FHOD3: variants seen among roughly 807,000 people sequenced by gnomAD.
The protein encoded by FHOD3 is formin homology 2 domain containing 3, also known as FH1/FH2 domain-containing protein 3.
A neutral mutation model predicts 173.0 loss-of-function variants in FHOD3; 90 were observed. The ratio of observed to expected loss-of-function variants is 0.52; its 90% CI spans 0.44 to 0.62. The LOEUF (loss-of-function observed/expected upper bound fraction) is 0.62, where lower values mean the gene tolerates loss of function less well. Among genes scored for constraint, FHOD3 ranks in the 20% least tolerant of loss-of-function variants. The pLI is 0.00. For synonymous variants in FHOD3, 828 were observed against 823.0 expected (o/e 1.01, Z -0.10); for missense variants, 1,945 against 2,034.7 (o/e 0.96, Z 0.85).
rs190263517 is a variant in FHOD3 at position 36,766,868 on chromosome 18, T to A, written c.4625-2397T>A. 2.1e-3 allele frequency among the ~76,000 whole-genome samples: 314 copies of A among 152,294 alleles called. 4 individuals carry two copies. Among genetic ancestry groups the A allele is most frequent in the Non-Finnish European group, 5.0e-4 (34 of 68,028 alleles). ...GCAAATGTATTATGAGCAAAGACAA[T>A]TTATTGAGCTTTGCATGTTTTTAGA... is the stretch of plus-strand genomic sequence containing the variant. On this transcript the variant is annotated intron_variant, in intron 27 of 28. Transcript: ENST00000590592.
intron 17 of FHOD3, among the ~76,000 whole-genome samples, chr18:36,700,200 T>A (rs1220855991): frequency 2.6e-5 from 4 of 152,088 alleles, no homozygotes; most frequent in Non-Finnish European, 2.9e-5. Context: ...CTACCTCCCA[T>A]ATGCCTTGAA....
rs772197820 is a variant in FHOD3, at chr18:36,512,465, G to A, written c.433G>A (p.Val145Ile). The A allele has an allele frequency of 3.1e-6, 5 of 1,613,960 alleles. No individual in the cohort carries two copies. Among genetic ancestry groups the A allele is most frequent in the Non-Finnish European group, 4.2e-6 (5 of 1,180,006 alleles). Residue 145 changes from valine (V) to isoleucine (I), a missense_variant, in exon 5 of 29, where the codon GTA (valine) becomes ATA (isoleucine). This residue lies in a region of FHOD3 where 245 missense variants were observed against 267.7 expected (regional missense o/e 0.92). Transcript: ENST00000590592. The stretch of plus-strand genomic sequence containing the variant: ...TGACAAGGATTTGGTGCATGAATTT[G>A]TAGTGGCTGAAGGTCTGACATGTTT... ...QDDKDLVHEF[V>I]VAEGLTCLIK... is the part of the protein sequence containing the mutation.
intron 1 of FHOD3, among the ~76,000 whole-genome samples, chr18:36,333,005 G>C (rs2045104337): frequency 6.6e-6 from 1 of 152,192 alleles, no homozygotes; most frequent in Admixed American, 6.5e-5. Flanking sequence ...CCTCATTCAT[G>C]TTTGCTATGA....
chr18:36,604,643 A>G (rs2031855108), intron 8 of FHOD3, among the ~76,000 whole-genome samples: 1 of 152,182 alleles, frequency 6.6e-6, no homozygotes, highest in African/African-American at 2.4e-5. Flanking sequence ...GGAACATAGC[A>G]AACTGTAGGA....
chr18:36,330,794 G>A (rs1178278808), intron 1 of FHOD3, among the ~76,000 whole-genome samples: 1 of 152,210 alleles, frequency 6.6e-6, no homozygotes, highest in Non-Finnish European at 1.5e-5. Flanking sequence ...ATCAGGGTTA[G>A]GGGGTCTTGG....
chr18:36,760,848 T>G, intron 27 of FHOD3, 66 bp downstream of exon 27: 1 of 1,480,090 alleles, frequency 6.8e-7, no homozygotes, highest in Non-Finnish European at 9.0e-7. Flanking sequence ...GGGTCCGGTC[T>G]CCATCGCAGG....
intron 23 of FHOD3, among the ~76,000 whole-genome samples, chr18:36,745,482 A>G (rs2042107143): frequency 6.6e-6 from 1 of 152,126 alleles, no homozygotes; most frequent in Non-Finnish European, 1.5e-5. Flanking sequence ...ACCAGACACG[A>G]CACTGCGTGT....
At chr18:36,717,688 C>T (rs938747734) in intron 18 of FHOD3, 144 bp from the exon 19 acceptor site, 2 of 1,355,568 alleles carry the variant, frequency 1.5e-6, no homozygotes, top group Admixed American at 6.1e-5. Context: ...CCAAGAGCGC[C>T]TTGTCAGCCA....
chr18:36,676,667 A>G (rs886228230), intron 14 of FHOD3, among the ~76,000 whole-genome samples: 6 of 152,204 alleles, frequency 3.9e-5, no homozygotes, highest in African/African-American at 1.2e-4. Context: ...TTCTGTGCCA[A>G]TGGGTTAGTG....
intron 23 of FHOD3, among the ~76,000 whole-genome samples, chr18:36,746,146 C>T (rs1364858753): frequency 6.6e-6 from 1 of 152,128 alleles, no homozygotes; most frequent in African/African-American, 2.4e-5. Context: ...TCTCAGTCTC[C>T]TTCAGGCAAT....
chr18:36,410,116 TTCA>T (rs1402800706), intron 3 of FHOD3, among the ~76,000 whole-genome samples: 4 of 152,238 alleles, frequency 2.6e-5, no homozygotes, highest in Admixed American at 1.3e-4. Flanking sequence ...TTAGGACATT[TTCA>T]TCATCCTCAA....
At chr18:36,763,994 C>T (rs2043034376) in intron 27 of FHOD3, among the ~76,000 whole-genome samples, 1 of 152,148 alleles carries the variant, frequency 6.6e-6, no homozygotes, top group Non-Finnish European at 1.5e-5. Context: ...TAATATTATG[C>T]TTTGGCAATG....
At chr18:36,506,132 A>G (rs1358874979) in intron 4 of FHOD3, among the ~76,000 whole-genome samples, 1 of 152,246 alleles carries the variant, frequency 6.6e-6, no homozygotes, top group African/African-American at 2.4e-5. Flanking sequence ...CTCATAAAAA[A>G]TAATGATTAT....
intron 27 of FHOD3, among the ~76,000 whole-genome samples, chr18:36,767,317 A>G (rs552940357): frequency 1.3e-5 from 2 of 152,262 alleles, no homozygotes; most frequent in South Asian, 4.1e-4. Flanking sequence ...CCAAAAAAAA[A>G]AACTGTATCA....
chr18:36,581,612 G>C (rs1203590065), intron 6 of FHOD3, among the ~76,000 whole-genome samples: 1 of 152,182 alleles, frequency 6.6e-6, no homozygotes, highest in Non-Finnish European at 1.5e-5. Flanking sequence ...AGGGTGTGCA[G>C]GCCTCCCTAC....
intron 10 of FHOD3, among the ~76,000 whole-genome samples, chr18:36,631,639 G>C (rs1229017001): frequency 6.6e-6 from 1 of 152,186 alleles, no homozygotes; most frequent in Non-Finnish European, 1.5e-5. Flanking sequence ...AATTAATGCT[G>C]TGTGACAGGA....
chr18:36,624,285 A>G (rs2033927029), intron 9 of FHOD3, among the ~76,000 whole-genome samples: 1 of 152,184 alleles, frequency 6.6e-6, no homozygotes, highest in Non-Finnish European at 1.5e-5. Flanking sequence ...CAAACCTGCA[A>G]GGGCAATTCT....
chr18:36,476,523 C>T (rs1446069319), intron 3 of FHOD3, among the ~76,000 whole-genome samples: 1 of 152,144 alleles, frequency 6.6e-6, no homozygotes, highest in Non-Finnish European at 1.5e-5. Context: ...CCTGTGGGTG[C>T]AAGTTCTCTG....
chr18:36,495,546 C>T (rs996151402), intron 3 of FHOD3, among the ~76,000 whole-genome samples: 4 of 152,190 alleles, frequency 2.6e-5, no homozygotes, highest in African/African-American at 9.7e-5. Flanking sequence ...TAGTCTACAG[C>T]CCCCTTCTGC....
Sources: gnomAD v4.1 joint callset for allele counts (sites outside exome capture counted in the v4.1 genomes callset) on GRCh38, gnomAD v4.1.1 for gene constraint, gnomAD v4.1.1 regional missense constraint, MANE v1.5 for transcripts, NCBI Gene and HGNC (gene_info 2026-07-23, HGNC 2026-07-21) for gene names.